EHMT1: variants seen among roughly 807,000 people sequenced by gnomAD.
EHMT1 encodes euchromatic histone lysine methyltransferase 1.
EHMT1 carries 15 observed loss-of-function variants against 147.2 expected under a neutral mutation model. The ratio of observed to expected loss-of-function variants is 0.10; its 90% CI spans 0.07 to 0.16. The LOEUF (loss-of-function observed/expected upper bound fraction) is 0.16, where lower values mean the gene tolerates loss of function less well. EHMT1 is among the 10% of genes least tolerant of loss of function. The pLI is 1.00. For synonymous variants in EHMT1, 795 were observed against 709.6 expected (o/e 1.12, Z -1.91); for missense variants, 1,587 against 1,772.4 (o/e 0.90, Z 1.88).
In EHMT1 at chr9:137,801,041, C is replaced by T. The variant is rs931590311; in HGVS notation, c.2712+57C>T. 21 of 1,491,940 alleles carry T rather than the reference C, an allele frequency of 1.4e-5. No individual in the cohort carries two copies. The Admixed American group carries it at 3.6e-4, about 25-fold the overall frequency. The allele number at this position is 1,491,940 out of a possible 1,614,324, so 92.4% of individuals were successfully genotyped here. Reference sequence around the variant, plus strand: ...GTCCTGGAGGGGTGGGGACCTCCTCCCCCAGAAGGTTCTTTTCTCAAAAGC... The same window carrying T: ...GTCCTGGAGGGGTGGGGACCTCCTCTCCCAGAAGGTTCTTTTCTCAAAAGC... On this transcript the variant is annotated intron_variant, in intron 18 of 26. Coordinates refer to ENST00000460843, the MANE Select transcript of EHMT1 (RefSeq NM_024757.5).
chr9:137,746,930 C>T (rs1400363896), intron 6 of EHMT1: 3 of 150,160 alleles, frequency 2.0e-5, no homozygotes, highest in Non-Finnish European at 4.4e-5. Context: ...TGTCAAGGCA[C>T]GAAAAGAATC....
At position 137,825,098 on chromosome 9, in the gene EHMT1, CT is replaced by C. The variant is rs1955716009; in HGVS notation, c.3540+6961del. On this transcript the variant is annotated intron_variant, in intron 25 of 26. Coordinates refer to ENST00000460843, the MANE Select transcript of EHMT1 (RefSeq NM_024757.5). ...CTTCCTTGGCTGCAGGATGAGGCCT[CT>C]GCTTCCTTGCTGGCTGGCAACCGGG... Among the ~76,000 whole-genome samples the C allele has an allele frequency of 3.3e-5, 5 of 152,336 alleles. No homozygotes were observed. In the South Asian group the frequency reaches 1.0e-3, roughly 32 times the overall value.
At chr9:137,644,796 T>G (rs936669512) in intron 1 of EHMT1, among the ~76,000 whole-genome samples, 9 of 152,206 alleles carry the variant, frequency 5.9e-5, no homozygotes, top group Admixed American at 1.3e-4. Context: ...TATTTTGTGT[T>G]TTAATTATTG....
chr9:137,711,110 G>C, intron 2 of EHMT1, 80 bp downstream of exon 2: 1 of 1,431,932 alleles, frequency 7.0e-7, no homozygotes, highest in Non-Finnish European at 9.5e-7. Flanking sequence ...TCTCTTATTA[G>C]TCCCCGTCTT....
At position 137,663,557 on chromosome 9, in the gene EHMT1, C is replaced by T. The variant is rs564426355; in HGVS notation, c.21+44508C>T. On this transcript the variant is annotated intron_variant, in intron 1 of 26. Coordinates refer to ENST00000460843, the MANE Select transcript of EHMT1 (RefSeq NM_024757.5). Reference sequence around the variant, plus strand: ...TGCAGAGTAAAAGACTTCCCATCTCCGTTTCTGCTCTCAATCTTACTTAAA... The same window carrying T: ...TGCAGAGTAAAAGACTTCCCATCTCTGTTTCTGCTCTCAATCTTACTTAAA... 3.9e-5 allele frequency among the ~76,000 whole-genome samples: 6 copies of T among 152,298 alleles called. No individual in the cohort carries two copies. In the South Asian group the frequency reaches 6.2e-4, roughly 16 times the overall value.
At chr9:137,707,117 G>A (rs1264565402) in intron 1 of EHMT1, among the ~76,000 whole-genome samples, 2 of 152,214 alleles carry the variant, frequency 1.3e-5, no homozygotes, top group Admixed American at 6.5e-5. Flanking sequence ...GAGCCAGCGC[G>A]CCTGGCCTAT....
chr9:137,721,224 ACCCCTCCCAGACTTCTCACACTCGC>A (rs1945955660), intron 3 of EHMT1, among the ~76,000 whole-genome samples: 2 of 4,322 alleles, frequency 4.6e-4, no homozygotes, highest in African/African-American at 3.5e-3. Context: ...TCTCACACTC[ACCCCTCCCAGACTTCTCACACTCGC>A]CCCCTCCCAG....
chr9:137,701,066 C>T (rs1048515413), intron 1 of EHMT1, among the ~76,000 whole-genome samples: 1 of 152,098 alleles, frequency 6.6e-6, no homozygotes, highest in Non-Finnish European at 1.5e-5. Flanking sequence ...GTGCTGCACA[C>T]TTTCCAACAA....
chr9:137,782,637 T>A lies in EHMT1; in HGVS notation c.2382+240T>A, dbSNP rs1951650467. 6.6e-6 allele frequency among the ~76,000 whole-genome samples: 1 copy of A among 152,112 alleles called. No individual in the cohort carries two copies. The highest frequency in any genetic ancestry group is 1.5e-5 in the Non-Finnish European group (1 of 68,034). On this transcript the variant is annotated intron_variant, in intron 15 of 26. Coordinates refer to ENST00000460843, the MANE Select transcript of EHMT1 (RefSeq NM_024757.5). The surrounding 1 kb of genome is among the most constrained non-coding windows in gnomAD (Gnocchi z 5.7). ...TGCCGCCATTTGGCTGTTTCTTGAT[T>A]TGCTTTCTTTGGTTTTGGTTTTGGT...
rs1947167502 is a variant in EHMT1, at chr9:137,732,165, C to T, written c.823+3636C>T. On this transcript the variant is annotated intron_variant, in intron 4 of 26. Transcript: ENST00000460843. The surrounding 1 kb of genome is among the most constrained non-coding windows in gnomAD (Gnocchi z 4.6). ...TGCTGCTTGCCATCACACGGGGCAGCCGCCGACACCAGCGGAGGGCAGGAG... is the reference window on the plus strand; with the variant it reads ...TGCTGCTTGCCATCACACGGGGCAGTCGCCGACACCAGCGGAGGGCAGGAG... 6.6e-6 allele frequency among the ~76,000 whole-genome samples: 1 copy of T among 152,346 alleles called. No homozygotes were observed. Among genetic ancestry groups the T allele is most frequent in the East Asian group, 1.9e-4 (1 of 5,182 alleles).
intron 25 of EHMT1, among the ~76,000 whole-genome samples, chr9:137,825,858 G>T (rs910585121): frequency 1.1e-4 from 16 of 152,102 alleles, no homozygotes; most frequent in African/African-American, 3.6e-4. Context: ...CCAGTGTCAG[G>T]GAGGAGGCGT....
chr9:137,769,918 C>T (rs1950486088), intron 10 of EHMT1, among the ~76,000 whole-genome samples: 1 of 152,118 alleles, frequency 6.6e-6, no homozygotes, highest in African/African-American at 2.4e-5. Flanking sequence ...CACAGTGCAG[C>T]CTCAACCTCC....
chr9:137,619,367 C>T (rs972158966), intron 1 of EHMT1, among the ~76,000 whole-genome samples: 1 of 151,628 alleles, frequency 6.6e-6, no homozygotes, highest in Non-Finnish European at 1.5e-5. Flanking sequence ...CCCCGTGCCG[C>T]CGCCGCCGCC....
rs1007113889 is a variant in EHMT1, at chr9:137,655,587, C to T, written c.21+36538C>T. On this transcript the variant is annotated intron_variant, in intron 1 of 26. Transcript: ENST00000460843. ...TTTTTATGCAGGGGTCCCCAAACTC[C>T]AGGCTGTGGAGTGCTGGTCAGTGGC... 9.8e-5 allele frequency among the ~76,000 whole-genome samples: 15 copies of T among 152,314 alleles called. No individual in the cohort carries two copies. In the East Asian group the frequency reaches 2.1e-3, roughly 22 times the overall value.
intron 18 of EHMT1, among the ~76,000 whole-genome samples, chr9:137,809,613 C>T (rs895778413): frequency 4.6e-5 from 7 of 152,240 alleles, no homozygotes; most frequent in African/African-American, 1.7e-4. Context: ...CTGCAGCCGG[C>T]GCTCCCAGAC....
intron 15 of EHMT1, chr9:137,784,339 C>G: frequency 7.7e-7 from 1 of 1,294,732 alleles, no homozygotes; most frequent in East Asian, 2.8e-5. Context: ...AAGGCCCAGC[C>G]TCAAAACCTC....
intron 21 of EHMT1, chr9:137,814,220 C>G: frequency 1.5e-6 from 1 of 649,044 alleles, no homozygotes; most frequent in East Asian, 2.7e-5. Flanking sequence ...GTCCCTCTGT[C>G]AGGGTCCTCA....
chr9:137,715,717 T>A (rs558640914), intron 2 of EHMT1: 2 of 985,134 alleles, frequency 2.0e-6, no homozygotes, highest in African/African-American at 3.5e-5. Context: ...CATCGGAGAG[T>A]GAGCCTCTGT....
chr9:137,766,612 C>CACAAAA (rs767792057), intron 10 of EHMT1, among the ~76,000 whole-genome samples: 23 of 152,100 alleles, frequency 1.5e-4, no homozygotes, highest in South Asian at 2.1e-4. Flanking sequence ...GAGACTCCGT[C>CACAAAA]ACAAAAACAA....
Sources: allele counts gnomAD v4.1 joint callset (sites outside exome capture counted in the v4.1 genomes callset), GRCh38; gene constraint gnomAD v4.1.1; non-coding constraint Gnocchi (gnomAD v3.1); transcripts MANE v1.5; gene names NCBI Gene and HGNC (gene_info 2026-07-23, HGNC 2026-07-21).